The following PEAK1 variants were observed in gnomAD, a reference collection of about 807,000 sequenced individuals.
The protein encoded by PEAK1 is inactive tyrosine-protein kinase PEAK1.
PEAK1 carries 54 observed loss-of-function variants against 124.7 expected under a neutral mutation model. That is an observed-to-expected ratio of 0.43 (90% CI 0.35 to 0.54). PEAK1 has a LOEUF of 0.54. Among genes scored for constraint, PEAK1 ranks in the 20% least tolerant of loss-of-function variants. The pLI, the probability that PEAK1 is intolerant of heterozygous loss-of-function variation, is 0.01. For missense variants in PEAK1, 2,046 were observed against 2,134.5 expected, an observed-to-expected ratio of 0.96 and a Z score of 0.82; for synonymous variants, 719 against 760.0, an observed-to-expected ratio of 0.95 and a Z score of 0.89.
intron 8 of PEAK1, among the ~76,000 whole-genome samples, chr15:77,140,622 G>C (rs1053794407): frequency 1.3e-5 from 2 of 152,068 alleles, no homozygotes; most frequent in African/African-American, 4.8e-5. Flanking sequence ...GGGCATCTTT[G>C]TAAAAGAGCT....
At chr15:77,387,744 A>G (rs940387870) in intron 1 of PEAK1, among the ~76,000 whole-genome samples, 1 of 152,232 alleles carries the variant, frequency 6.6e-6, no homozygotes, top group African/African-American at 2.4e-5. Flanking sequence ...CTCTATAGCA[A>G]AACAATTAAA....
chr15:77,208,361 T>A (rs2058758124), intron 6 of PEAK1, among the ~76,000 whole-genome samples: 2 of 152,184 alleles, frequency 1.3e-5, no homozygotes, highest in Admixed American at 1.3e-4. Flanking sequence ...GCTGTTTCTA[T>A]AATCTTTGGT....
At chr15:77,351,477 T>C (rs768856237) in intron 2 of PEAK1, among the ~76,000 whole-genome samples, 2 of 152,224 alleles carry the variant, frequency 1.3e-5, no homozygotes, top group Non-Finnish European at 2.9e-5. Flanking sequence ...CCATAGGGTA[T>C]ATGCCGTAAA....
chr15:77,256,535 G>T lies in PEAK1; in HGVS notation c.-274-4009C>A, dbSNP rs530047054. ...TTTACCCATAGGTCAAATACAACCT[G>T]CCACCTGCTTATATATGGTTTGCTA... is the stretch of plus-strand genomic sequence containing the variant. On this transcript the variant is annotated intron_variant, in intron 5 of 9. Coordinates refer to ENST00000682557, the MANE Select transcript of PEAK1 (RefSeq NM_001385026.1). 1.4e-4 allele frequency among the ~76,000 whole-genome samples: 22 copies of T among 151,988 alleles called. No homozygotes were observed. The South Asian group carries it at 3.3e-3, about 23-fold the overall frequency.
chr15:77,252,228 T>G (rs2060914398), intron 6 of PEAK1, 139 bp downstream of exon 6: 1 of 403,276 alleles, frequency 2.5e-6, no homozygotes, highest in African/African-American at 2.2e-5. Context: ...AAAGCCTGGT[T>G]ATGCTAAATA....
Position 77,133,768 on chromosome 15 carries a change from C to A in PEAK1, c.3332-18G>T. 1 of 1,521,236 alleles carries A rather than the reference C, an allele frequency of 6.6e-7. No homozygotes were observed. The highest frequency in any genetic ancestry group is 8.8e-7 in the Non-Finnish European group (1 of 1,137,178). 94.2% of individuals were successfully genotyped at this position (1,521,236 alleles called of 1,614,324 possible). A position where few individuals can be genotyped will look rare whatever the true frequency, so the allele number is the denominator to read the frequency against. ...AGATTGCCCTGTATTGTTTTTAAAG[C>A]AATAAAAAGAAAAGAGTAAGTAAAG... is the stretch of plus-strand genomic sequence containing the variant. On this transcript the variant is annotated intron_variant, in intron 8 of 9. Coordinates refer to ENST00000682557, the MANE Select transcript of PEAK1 (RefSeq NM_001385026.1). This position sits in a 1 kb window ranked among gnomAD's most constrained non-coding sequence, Gnocchi z 4.2.
intron 1 of PEAK1, among the ~76,000 whole-genome samples, chr15:77,369,301 A>G (rs2068480577): frequency 6.6e-6 from 1 of 152,230 alleles, no homozygotes; most frequent in Non-Finnish European, 1.5e-5. Flanking sequence ...AAAATTGCCA[A>G]CACTACAGGA....
At chr15:77,383,253 T>C (rs2069637120) in intron 1 of PEAK1, among the ~76,000 whole-genome samples, 1 of 152,028 alleles carries the variant, frequency 6.6e-6, no homozygotes, top group African/African-American at 2.4e-5. Flanking sequence ...CTCAAACTCC[T>C]GACCTCAGGT....
Position 77,179,088 on chromosome 15 carries a change from GCT to G in PEAK1, c.2837_2838del (p.Glu946AlafsTer37). 1 of 1,614,104 alleles carries G rather than the reference GCT, an allele frequency of 6.2e-7. No homozygotes were observed. ...AGGCCCACCAGTTTCCCTTTCTCTC[GCT>G]CTTTCTCTTTGTCATCCTCCTCATC... ...KTDEEDDKEK[E>X]REKGKLVGLD... On this transcript the variant is annotated frameshift_variant, in exon 7 of 10. Coordinates refer to ENST00000682557, the MANE Select transcript of PEAK1 (RefSeq NM_001385026.1). LOFTEE classifies it high-confidence loss of function.
intron 8 of PEAK1, among the ~76,000 whole-genome samples, chr15:77,148,748 C>T (rs2054353164): frequency 6.6e-6 from 1 of 150,770 alleles, no homozygotes; most frequent in Non-Finnish European, 1.5e-5. Context: ...GAGACTCTAT[C>T]TCTACAAAAA....
chr15:77,384,562 C>G (rs2069765137), intron 1 of PEAK1, among the ~76,000 whole-genome samples: 1 of 152,144 alleles, frequency 6.6e-6, no homozygotes. Flanking sequence ...ACATTAAGAG[C>G]AAAATTATGC....
At chr15:77,267,592 G>T (rs2061804869) in intron 5 of PEAK1, among the ~76,000 whole-genome samples, 1 of 152,126 alleles carries the variant, frequency 6.6e-6, no homozygotes. Context: ...CTGCTGGGTG[G>T]CTAGATCCAG....
intron 5 of PEAK1, among the ~76,000 whole-genome samples, chr15:77,258,983 T>A (rs994668278): frequency 3.3e-5 from 5 of 152,200 alleles, no homozygotes; most frequent in Admixed American, 3.3e-4. Flanking sequence ...ATTGAGATAA[T>A]CATGTGGTTT....
rs542171839 is a variant in PEAK1 at position 77,398,967 on chromosome 15, C to CA, written c.-666+21038dup. On this transcript the variant is annotated intron_variant, in intron 1 of 9. Transcript: ENST00000682557. The stretch of plus-strand genomic sequence containing the variant: ...AAGTAGCATTTCTACATGCCAACAG[C>CA]AAAAAATCTGAAAAAAAAGTCAAGA... 5.7e-4 allele frequency among the ~76,000 whole-genome samples: 86 copies of CA among 151,308 alleles called. No homozygotes were observed. In the East Asian group the frequency reaches 0.016, roughly 27 times the overall value.
At chr15:77,208,357 T>C (rs1032034355) in intron 6 of PEAK1, among the ~76,000 whole-genome samples, 8 of 152,190 alleles carry the variant, frequency 5.3e-5, no homozygotes, top group African/African-American at 1.9e-4. Context: ...TCATGCTGTT[T>C]CTATAATCTT....
intron 2 of PEAK1, among the ~76,000 whole-genome samples, chr15:77,339,178 A>AG (rs1252270412): frequency 6.6e-6 from 1 of 150,846 alleles, no homozygotes; most frequent in Non-Finnish European, 1.5e-5. Context: ...TACTGCAATC[A>AG]TGCCTCACTG....
At chr15:77,246,027 T>G (rs1282774568) in intron 6 of PEAK1, among the ~76,000 whole-genome samples, 1 of 151,958 alleles carries the variant, frequency 6.6e-6, no homozygotes, top group Non-Finnish European at 1.5e-5. Flanking sequence ...TTTTTTTTTT[T>G]GAGAAAGAGT....
At chr15:77,373,498 T>C (rs1379806344) in intron 1 of PEAK1, among the ~76,000 whole-genome samples, 2 of 152,148 alleles carry the variant, frequency 1.3e-5, no homozygotes, top group Non-Finnish European at 2.9e-5. Flanking sequence ...AGGGTCATAC[T>C]TAAGTACGGA....
chr15:77,411,030 T>C (rs1399939519), intron 1 of PEAK1, among the ~76,000 whole-genome samples: 1 of 152,230 alleles, frequency 6.6e-6, no homozygotes, highest in African/African-American at 2.4e-5. Context: ...ACTAAAACTT[T>C]GGTTTACCAG....
Sources: allele counts gnomAD v4.1 joint callset (sites outside exome capture counted in the v4.1 genomes callset), GRCh38; gene constraint gnomAD v4.1.1; non-coding constraint Gnocchi (gnomAD v3.1); transcripts MANE v1.5; gene names NCBI Gene and HGNC (gene_info 2026-07-23, HGNC 2026-07-21).